ERBB4: variants seen among roughly 807,000 people sequenced by gnomAD.
ERBB4 encodes erb-b2 receptor tyrosine kinase 4, also known as receptor tyrosine-protein kinase erbB-4.
ERBB4 carries 42 observed loss-of-function variants against 158.0 expected under a neutral mutation model. The observed-to-expected ratio is 0.27, with a 90% confidence interval of 0.21 to 0.34. The LOEUF (loss-of-function observed/expected upper bound fraction) is 0.34, where lower values mean the gene tolerates loss of function less well. Among genes scored for constraint, ERBB4 ranks in the 10% least tolerant of loss-of-function variants. ERBB4 has a pLI of 1.00. For missense variants in ERBB4, 1,333 were observed against 1,624.1 expected (o/e 0.82, Z 3.08); for synonymous variants, 583 against 558.7 (o/e 1.04, Z -0.61).
chr2:211,825,465 C>A (rs1396159691), intron 3 of ERBB4, among the ~76,000 whole-genome samples: 2 of 151,850 alleles, frequency 1.3e-5, no homozygotes, highest in Non-Finnish European at 3.0e-5. Context: ...AACTTAGCAA[C>A]AACAAATTAA....
chr2:211,737,152 A>G (rs1463623023), intron 5 of ERBB4, among the ~76,000 whole-genome samples: 1 of 152,208 alleles, frequency 6.6e-6, no homozygotes, highest in Non-Finnish European at 1.5e-5. Flanking sequence ...GTAACAACCA[A>G]TGTCAACTTT....
chr2:212,014,541 GAGT>G (rs1260924622), intron 2 of ERBB4, among the ~76,000 whole-genome samples: 1 of 152,156 alleles, frequency 6.6e-6, no homozygotes, highest in African/African-American at 2.4e-5. Context: ...ATCATAAACG[GAGT>G]GGTCAATGAC....
chr2:212,495,956 T>C (rs1279052813), intron 1 of ERBB4, among the ~76,000 whole-genome samples: 1 of 152,174 alleles, frequency 6.6e-6, no homozygotes, highest in Non-Finnish European at 1.5e-5. Flanking sequence ...TTTGTAATTA[T>C]ATAAAGTGCT....
chr2:211,670,214 C>T (rs2071786008), intron 14 of ERBB4, among the ~76,000 whole-genome samples: 1 of 151,980 alleles, frequency 6.6e-6, no homozygotes, highest in Admixed American at 6.6e-5. Flanking sequence ...AACATGTGGG[C>T]CCAGAAACAG....
At chr2:212,247,591 T>C (rs1473077030) in intron 1 of ERBB4, among the ~76,000 whole-genome samples, 4 of 152,198 alleles carry the variant, frequency 2.6e-5, no homozygotes, top group Non-Finnish European at 5.9e-5. Context: ...ATTCAAAAAT[T>C]TGCTTGTCTA....
rs532883808 is a variant in ERBB4, at chr2:211,524,564, G to A, written c.2487+37339C>T. Among the ~76,000 whole-genome samples, 29 of 152,262 alleles carry A rather than the reference G, an allele frequency of 1.9e-4. No individual in the cohort carries two copies. In the South Asian group the frequency reaches 6.0e-3, roughly 32 times the overall value. ...GGCCCAGTGAGAAATCAAGCGCAGCGCTGGTGGGCTGGCACTGCTGGGGGA... is the reference window on the plus strand; with the variant it reads ...GGCCCAGTGAGAAATCAAGCGCAGCACTGGTGGGCTGGCACTGCTGGGGGA... On this transcript the variant is annotated intron_variant, in intron 20 of 27. Coordinates refer to ENST00000342788, the MANE Select transcript of ERBB4 (RefSeq NM_005235.3).
intron 1 of ERBB4, among the ~76,000 whole-genome samples, chr2:212,203,000 C>T (rs1276683164): frequency 6.6e-6 from 1 of 151,446 alleles, no homozygotes; most frequent in Non-Finnish European, 1.5e-5. Flanking sequence ...ATTTTATTTA[C>T]ATATATGTAT....
chr2:211,402,342 C>A (rs767463583), intron 25 of ERBB4, among the ~76,000 whole-genome samples: 7 of 151,968 alleles, frequency 4.6e-5, no homozygotes, highest in Non-Finnish European at 1.0e-4. Flanking sequence ...AAATTTAGAT[C>A]TAGTTATCCT....
chr2:211,600,394 T>C (rs984524258), intron 19 of ERBB4, among the ~76,000 whole-genome samples: 3 of 151,664 alleles, frequency 2.0e-5, no homozygotes, highest in Non-Finnish European at 4.4e-5. Context: ...TGATAAGAAA[T>C]GGAGACAGCA....
Position 211,630,561 on chromosome 2 carries a change from C to A in ERBB4, c.1980G>T (p.Gly660=), listed in dbSNP as rs1050037054. 6.2e-7 allele frequency: 1 copy of A among 1,613,394 alleles called. No individual in the cohort carries two copies. Among genetic ancestry groups the A allele is most frequent in the Non-Finnish European group, 8.5e-7 (1 of 1,179,814 alleles). ...TPLIAAGVIG[G]LFILVIVGLT... is the part of the protein sequence containing the mutation. ...GACCCACAATGACCAGAATGAAGAG[C>A]CCACCAATTACTCCAGCTGCAATCA... The change falls in exon 17 of 28, where the codon GGG becomes GGT. Residue 660 remains glycine (G), a synonymous_variant. Transcript: ENST00000342788.
At chr2:211,841,719 T>C (rs1250351317) in intron 3 of ERBB4, among the ~76,000 whole-genome samples, 1 of 152,040 alleles carries the variant, frequency 6.6e-6, no homozygotes, top group African/African-American at 2.4e-5. Context: ...TTTCCTTAAA[T>C]GAAATATGGC....
At chr2:211,521,577 G>A (rs890655295) in intron 20 of ERBB4, among the ~76,000 whole-genome samples, 1 of 152,118 alleles carries the variant, frequency 6.6e-6, no homozygotes. Context: ...TGATGAAGGT[G>A]GCTCCACTAA....
Position 211,601,216 on chromosome 2 carries a change from G to A in ERBB4, c.2301+17961C>T, listed in dbSNP as rs190787654. ...TATGGTATTATCATATACAATAACT[G>A]CGAAGGAAAAGTCAAGAAAATTCTC... On this transcript the variant is annotated intron_variant, in intron 19 of 27. Coordinates refer to ENST00000342788, the MANE Select transcript of ERBB4 (RefSeq NM_005235.3). Among the ~76,000 whole-genome samples the A allele has an allele frequency of 1.2e-4, 18 of 151,956 alleles. No individual in the cohort carries two copies. The East Asian group carries it at 3.1e-3, about 26-fold the overall frequency.
At chr2:211,438,924 T>C (rs1372286826) in intron 20 of ERBB4, among the ~76,000 whole-genome samples, 1 of 152,104 alleles carries the variant, frequency 6.6e-6, no homozygotes, top group Admixed American at 6.6e-5. Context: ...TAATATATAA[T>C]AAAAATTATT....
chr2:211,461,118 A>G (rs1030453165), intron 20 of ERBB4, among the ~76,000 whole-genome samples: 3 of 152,132 alleles, frequency 2.0e-5, no homozygotes, highest in Admixed American at 6.6e-5. Context: ...TGATTAAATC[A>G]TCTTTATTCA....
Position 212,295,600 on chromosome 2 carries a change from A to G in ERBB4, c.83-170697T>C, listed in dbSNP as rs530953705. On this transcript the variant is annotated intron_variant, in intron 1 of 27. Coordinates refer to ENST00000342788, the MANE Select transcript of ERBB4 (RefSeq NM_005235.3). ...GGAAAGAACAGGGGTTTTAGAGTCA[A>G]GTAAACCTGAGCTCAAATTCCTGTT... Among the ~76,000 whole-genome samples the G allele has an allele frequency of 6.6e-5, 10 of 152,230 alleles. No individual in the cohort carries two copies. The South Asian group carries it at 1.4e-3, about 22-fold the overall frequency.
chr2:212,470,074 A>G (rs1381039946), intron 1 of ERBB4, among the ~76,000 whole-genome samples: 1 of 152,090 alleles, frequency 6.6e-6, no homozygotes, highest in African/African-American at 2.4e-5. Context: ...AGTTCACAAT[A>G]TATTTTTTTT....
At chr2:211,986,962 T>C (rs1348212170) in intron 2 of ERBB4, among the ~76,000 whole-genome samples, 2 of 152,108 alleles carry the variant, frequency 1.3e-5, no homozygotes, top group African/African-American at 2.4e-5. Flanking sequence ...TAATAATATA[T>C]AAAGTATGAA....
intron 12 of ERBB4, among the ~76,000 whole-genome samples, chr2:211,699,868 T>C (rs2073166594): frequency 6.6e-6 from 1 of 152,154 alleles, no homozygotes; most frequent in South Asian, 2.1e-4. Context: ...AATAACATTA[T>C]ATAATTTATT....
Sources: allele counts gnomAD v4.1 joint callset (sites outside exome capture counted in the v4.1 genomes callset), GRCh38; gene constraint gnomAD v4.1.1; transcripts MANE v1.5; gene names NCBI Gene and HGNC (gene_info 2026-07-23, HGNC 2026-07-21).